The following NSMAF variants were observed in gnomAD, a reference collection of about 807,000 sequenced individuals.
NSMAF encodes protein FAN.
A neutral mutation model predicts 134.9 loss-of-function variants in NSMAF; 90 were observed. The observed-to-expected ratio is 0.67, with a 90% confidence interval of 0.56 to 0.79. NSMAF has a LOEUF of 0.79. Among genes scored for constraint, NSMAF ranks in the 30% least tolerant of loss-of-function variants. The pLI is 0.00. For synonymous variants in NSMAF, 358 were observed against 389.6 expected, an observed-to-expected ratio of 0.92 and a Z score of 0.96; for missense variants, 1,010 against 1,119.0, an observed-to-expected ratio of 0.90 and a Z score of 1.39.
chr8:58,619,372 A>G (rs1806732651), intron 9 of NSMAF, among the ~76,000 whole-genome samples: 1 of 152,226 alleles, frequency 6.6e-6, no homozygotes, highest in Non-Finnish European at 1.5e-5. Flanking sequence ...ATTTATAAAC[A>G]TAAGCTTCTA....
chr8:58,586,008 A>C lies in NSMAF; in HGVS notation c.2447-8T>G, dbSNP rs1320489714. 2 of 1,595,848 alleles carry C rather than the reference A, an allele frequency of 1.3e-6. No homozygotes were observed. Among genetic ancestry groups the C allele is most frequent in the East Asian group, 2.2e-5 (1 of 44,782 alleles). ...TGAGGACATGGCGACTATCTGCAAC[A>C]CAAGGTGAGACTCAGATATGAGTGA... On this transcript the variant is annotated splice_region_variant and splice_polypyrimidine_tract_variant and intron_variant, in intron 28 of 30. Coordinates refer to ENST00000038176, the MANE Select transcript of NSMAF (RefSeq NM_003580.4).
intron 2 of NSMAF, among the ~76,000 whole-genome samples, chr8:58,637,029 CACA>C (rs1470326416): frequency 1.6e-4 from 25 of 151,808 alleles, no homozygotes; most frequent in African/African-American, 5.8e-4. Context: ...CACACACACA[CACA>C]CACACACACC....
At chr8:58,655,477 G>C (rs1041964920) in intron 1 of NSMAF, among the ~76,000 whole-genome samples, 3 of 150,480 alleles carry the variant, frequency 2.0e-5, no homozygotes, top group African/African-American at 7.4e-5. Context: ...ATAGCTCACT[G>C]TAACCTTGGA....
chr8:58,632,100 T>C (rs1420229149), intron 5 of NSMAF, among the ~76,000 whole-genome samples: 1 of 152,126 alleles, frequency 6.6e-6, no homozygotes, highest in African/African-American at 2.4e-5. Context: ...ACAATGGAAG[T>C]TACCTGAGCT....
chr8:58,642,466 G>C (rs2129147252), intron 2 of NSMAF, among the ~76,000 whole-genome samples: 1 of 152,332 alleles, frequency 6.6e-6, no homozygotes, highest in Non-Finnish European at 1.5e-5. Context: ...ATCAGATCTT[G>C]CTTCTAGTTC....
intron 26 of NSMAF, among the ~76,000 whole-genome samples, chr8:58,589,230 ATATATAT>A (rs1805967983): frequency 1.4e-5 from 2 of 147,790 alleles, no homozygotes; most frequent in African/African-American, 4.9e-5. Flanking sequence ...TAATATATAA[ATATATAT>A]TATAGATATA....
intron 23 of NSMAF, among the ~76,000 whole-genome samples, chr8:58,592,842 G>T (rs1054934620): frequency 6.6e-6 from 1 of 151,634 alleles, no homozygotes; most frequent in South Asian, 2.1e-4. Flanking sequence ...AGCCAAGATC[G>T]TGCCATTGCC....
At chr8:58,596,481 G>C (rs1292631712) in intron 21 of NSMAF, among the ~76,000 whole-genome samples, 1 of 152,170 alleles carries the variant, frequency 6.6e-6, no homozygotes, top group African/African-American at 2.4e-5. Context: ...AAAGGTGAGT[G>C]TTCTTTCCTA....
chr8:58,659,592 G>T lies in NSMAF; in HGVS notation c.40C>A (p.Gln14Lys). Residue 14 changes from glutamine (Q) to lysine (K), a missense_variant, in exon 1 of 31, where the codon CAG (glutamine) becomes AAG (lysine). Coordinates refer to ENST00000038176, the MANE Select transcript of NSMAF (RefSeq NM_003580.4). ...IRKKQQEQQL[Q>K]LYSKERFSLL... ...GCGCACCTCTCCTTGGAGTAGAGCTGCAGCTGCTGCTCCTGCTGCTTCTTC... is the reference window on the plus strand; with the variant it reads ...GCGCACCTCTCCTTGGAGTAGAGCTTCAGCTGCTGCTCCTGCTGCTTCTTC... The T allele has an allele frequency of 6.6e-7, 1 of 1,504,810 alleles. No homozygotes were observed. Among genetic ancestry groups the T allele is most frequent in the Non-Finnish European group, 8.9e-7 (1 of 1,129,214 alleles). 93.2% of individuals were successfully genotyped at this position (1,504,810 alleles called of 1,614,324 possible).
At chr8:58,618,093 T>C (rs1286097215) in intron 9 of NSMAF, among the ~76,000 whole-genome samples, 2 of 152,058 alleles carry the variant, frequency 1.3e-5, no homozygotes, top group Non-Finnish European at 2.9e-5. Context: ...TCCTCACTCA[T>C]AGGTGGGAAC....
chr8:58,589,707 C>A, intron 25 of NSMAF, 132 bp from the exon 26 acceptor site: 1 of 853,728 alleles, frequency 1.2e-6, no homozygotes, highest in Non-Finnish European at 1.7e-6. Flanking sequence ...ATTGCTTGTT[C>A]TCAAATTACT....
At chr8:58,658,297 G>A (rs1428485191) in intron 1 of NSMAF, among the ~76,000 whole-genome samples, 3 of 152,014 alleles carry the variant, frequency 2.0e-5, no homozygotes, top group Non-Finnish European at 4.4e-5. Flanking sequence ...TTAGGGCTCA[G>A]TTATTTAATA....
At chr8:58,596,028 G>C (rs1044105360) in intron 21 of NSMAF, 5 of 191,868 alleles carry the variant, frequency 2.6e-5, no homozygotes, top group South Asian at 2.3e-4. Context: ...GTTCTGGTGT[G>C]GGGTGGGGAA....
intron 2 of NSMAF, among the ~76,000 whole-genome samples, chr8:58,641,757 T>C (rs188887468): frequency 7.2e-5 from 11 of 152,328 alleles, no homozygotes; most frequent in Admixed American, 5.2e-4. Flanking sequence ...AATGGTATCC[T>C]AGAAGTAGCA....
intron 2 of NSMAF, 61 bp downstream of exon 2, chr8:58,642,923 C>T: frequency 2.4e-6 from 3 of 1,250,878 alleles, no homozygotes; most frequent in Admixed American, 3.4e-5. Context: ...ACACATTTAA[C>T]TTTAAAAGTT....
chr8:58,619,237 A>G (rs1415634933), intron 9 of NSMAF, among the ~76,000 whole-genome samples: 1 of 152,184 alleles, frequency 6.6e-6, no homozygotes, highest in Non-Finnish European at 1.5e-5. Context: ...CAAAAAACAC[A>G]TTACTGGCCA....
Position 58,625,015 on chromosome 8 carries a change from C to T in NSMAF, c.385-1235G>A, listed in dbSNP as rs534278695. On this transcript the variant is annotated intron_variant, in intron 6 of 30. Transcript: ENST00000038176. ...GACCAAATATTTAGTTAAACATTAT[C>T]CCTGGGTGTATCTGTGAGGATGTTT... Among the ~76,000 whole-genome samples, 25 of 152,184 alleles carry T rather than the reference C, an allele frequency of 1.6e-4. No homozygotes were observed. The South Asian group carries it at 4.3e-3, about 26-fold the overall frequency.
chr8:58,649,610 T>C (rs889673150), intron 1 of NSMAF, among the ~76,000 whole-genome samples: 1 of 152,198 alleles, frequency 6.6e-6, no homozygotes, highest in African/African-American at 2.4e-5. Context: ...AGATCCCTCA[T>C]GAATGCCTCA....
Position 58,647,754 on chromosome 8 carries a change from T to C in NSMAF, c.60-4681A>G, listed in dbSNP as rs532440364. 2.6e-5 allele frequency among the ~76,000 whole-genome samples: 4 copies of C among 152,334 alleles called. No homozygotes were observed. The East Asian group carries it at 7.7e-4, about 29-fold the overall frequency. On this transcript the variant is annotated intron_variant, in intron 1 of 30. Transcript: ENST00000038176. ...CAGAAACCAAGCAGATGCTGGTGCC[T>C]TGCTTCCTGTACAGCCTGCAGAACC...
Sources: allele counts gnomAD v4.1 joint callset (sites outside exome capture counted in the v4.1 genomes callset), GRCh38; gene constraint gnomAD v4.1.1; transcripts MANE v1.5; gene names NCBI Gene and HGNC (gene_info 2026-07-23, HGNC 2026-07-21).